Variants in VPS13B observed in about 807,000 individuals in gnomAD.
The protein encoded by VPS13B is vacuolar protein sorting 13 homolog B.
In VPS13B, 285 loss-of-function variants were observed where a neutral mutation model predicts 426.4. The ratio of observed to expected loss-of-function variants is 0.67; its 90% CI spans 0.61 to 0.74. VPS13B has a LOEUF of 0.74. Ranked by LOEUF, VPS13B falls within the 30% of genes least tolerant of loss-of-function variation. The probability of loss-of-function intolerance (pLI) is 0.00; values close to 1 mark genes in which losing one functional copy is unlikely to be tolerated. For missense variants in VPS13B, 4,537 were observed against 4,782.6 expected (o/e 0.95, Z 1.51); for synonymous variants, 1,676 against 1,676.4 (o/e 1.00, Z 0.01).
intron 43 of VPS13B, among the ~76,000 whole-genome samples, chr8:99,797,463 C>T (rs1276679881): frequency 6.6e-6 from 1 of 152,086 alleles, no homozygotes; most frequent in Non-Finnish European, 1.5e-5. Flanking sequence ...GATTTAAAAT[C>T]TTAATAATAA....
intron 31 of VPS13B, among the ~76,000 whole-genome samples, chr8:99,569,113 C>G (rs952087305): frequency 6.6e-6 from 1 of 152,148 alleles, no homozygotes; most frequent in East Asian, 1.9e-4. Flanking sequence ...TGAGCCACCA[C>G]GCCTGGCCGA....
chr8:99,623,413 TTGTG>T, intron 33 of VPS13B, among the ~76,000 whole-genome samples: 1 of 152,200 alleles, frequency 6.6e-6, no homozygotes, highest in Non-Finnish European at 1.5e-5. Context: ...ATTTACTTAT[TTGTG>T]ACATTTCCCT....
intron 3 of VPS13B, among the ~76,000 whole-genome samples, chr8:99,053,453 C>T (rs764483770): frequency 1.3e-5 from 2 of 151,974 alleles, no homozygotes; most frequent in Non-Finnish European, 2.9e-5. Flanking sequence ...TCATCCAGGC[C>T]CCTACAAAGG....
At chr8:99,035,987 A>C (rs1025779292) in intron 2 of VPS13B, among the ~76,000 whole-genome samples, 1 of 152,094 alleles carries the variant, frequency 6.6e-6, no homozygotes, top group Admixed American at 6.5e-5. Context: ...GTCCATTTTA[A>C]AATAGAATTA....
At chr8:99,868,543 G>C in intron 59 of VPS13B, 78 bp downstream of exon 59, 1 of 1,525,410 alleles carries the variant, frequency 6.6e-7, no homozygotes. Context: ...CCCTAAGATA[G>C]TGTAACCTTT....
At chr8:99,421,097 T>A (rs1313078096) in intron 21 of VPS13B, among the ~76,000 whole-genome samples, 2 of 152,204 alleles carry the variant, frequency 1.3e-5, no homozygotes, top group East Asian at 3.8e-4. Flanking sequence ...ATTAAATTCA[T>A]TTTCCTTAAT....
intron 34 of VPS13B, among the ~76,000 whole-genome samples, chr8:99,649,840 C>T (rs1274952302): frequency 6.6e-6 from 1 of 152,186 alleles, no homozygotes; most frequent in East Asian, 1.9e-4. Flanking sequence ...CAATATAGGG[C>T]TCACTCTCGA....
At chr8:99,224,257 G>T (rs910656663) in intron 17 of VPS13B, among the ~76,000 whole-genome samples, 2 of 152,142 alleles carry the variant, frequency 1.3e-5, no homozygotes, top group Non-Finnish European at 2.9e-5. Flanking sequence ...TGTTCATGTA[G>T]TGGGAAAAGA....
chr8:99,151,987 GT>G (rs1359019395), intron 14 of VPS13B, among the ~76,000 whole-genome samples: 2 of 151,936 alleles, frequency 1.3e-5, no homozygotes, highest in Admixed American at 6.6e-5. Flanking sequence ...CTAGCTTTTG[GT>G]TTTGTTTATT....
intron 3 of VPS13B, among the ~76,000 whole-genome samples, chr8:99,055,259 G>A (rs780055226): frequency 6.6e-6 from 1 of 151,984 alleles, no homozygotes; most frequent in Non-Finnish European, 1.5e-5. Context: ...GGCTGATCTC[G>A]AATTCCTGAG....
chr8:99,803,833 A>T (rs934389479), intron 43 of VPS13B, among the ~76,000 whole-genome samples: 9 of 152,194 alleles, frequency 5.9e-5, no homozygotes, highest in Admixed American at 5.2e-4. Flanking sequence ...GATTCAATTG[A>T]CTTTCCAGAG....
At chr8:99,677,490 A>G (rs1008409292) in intron 35 of VPS13B, among the ~76,000 whole-genome samples, 10 of 152,382 alleles carry the variant, frequency 6.6e-5, no homozygotes, top group African/African-American at 2.4e-4. Context: ...GGAATGGACC[A>G]AGAATTTTAA....
chr8:99,290,108 C>A (rs2133042832), intron 19 of VPS13B, among the ~76,000 whole-genome samples: 1 of 151,972 alleles, frequency 6.6e-6, no homozygotes, highest in Non-Finnish European at 1.5e-5. Context: ...GGTGCTGGAA[C>A]CTTATGATAT....
chr8:99,208,470 TTTCTGA>T (rs1438855843), intron 17 of VPS13B, among the ~76,000 whole-genome samples: 1 of 152,276 alleles, frequency 6.6e-6, no homozygotes, highest in East Asian at 1.9e-4. Context: ...TAATCCCAAG[TTTCTGA>T]TTCTATCTTT....
chr8:99,693,278 T>C (rs377088682), intron 35 of VPS13B, among the ~76,000 whole-genome samples: 1 of 150,094 alleles, frequency 6.7e-6, no homozygotes, highest in East Asian at 2.0e-4. Flanking sequence ...TTGATGAACA[T>C]TGATGCAAAA....
chr8:99,258,906 A>G lies in VPS13B; in HGVS notation c.2516-15292A>G, dbSNP rs192929284. Among the ~76,000 whole-genome samples, 3 of 152,206 alleles carry G rather than the reference A, an allele frequency of 2.0e-5. No individual in the cohort carries two copies. The East Asian group carries it at 5.8e-4, about 29-fold the overall frequency. On this transcript the variant is annotated intron_variant, in intron 17 of 61. Coordinates refer to ENST00000357162, the MANE Select transcript of VPS13B (RefSeq NM_152564.5). ...TTGATGGTAGAGTTTTTACTAGAGT[A>G]AAGGTCTAGGGATTAGTGTATCTTT...
At chr8:99,120,642 T>G (rs2132513823) in intron 7 of VPS13B, 1 of 152,572 alleles carries the variant, frequency 6.6e-6, no homozygotes, top group African/African-American at 2.4e-5. Flanking sequence ...AAAAGTTGTT[T>G]TATTCTAATA....
chr8:99,621,971 C>G (rs1477121627), intron 33 of VPS13B, among the ~76,000 whole-genome samples: 1 of 151,658 alleles, frequency 6.6e-6, no homozygotes, highest in East Asian at 1.9e-4. Context: ...GTAGCTGGGA[C>G]TACAGGCACT....
chr8:99,121,069 A>G, intron 7 of VPS13B, 108 bp from the exon 8 acceptor site: 1 of 929,684 alleles, frequency 1.1e-6, no homozygotes, highest in African/African-American at 1.7e-5. Context: ...ATTTGTTTAT[A>G]CCTTATATTA....
Sources: allele counts gnomAD v4.1 joint callset (sites outside exome capture counted in the v4.1 genomes callset), GRCh38; gene constraint gnomAD v4.1.1; transcripts MANE v1.5; gene names NCBI Gene and HGNC (gene_info 2026-07-23, HGNC 2026-07-21).